Variants in MTMR7 observed in about 807,000 individuals in gnomAD.
The protein encoded by MTMR7 is phosphatidylinositol-3-phosphate phosphatase MTMR7.
MTMR7 carries 76 observed loss-of-function variants against 81.2 expected under a neutral mutation model. The observed-to-expected ratio is 0.94, with a 90% confidence interval of 0.78 to 1.13. The LOEUF (loss-of-function observed/expected upper bound fraction) is 1.13. Ranked by LOEUF, MTMR7 falls within the 50% of genes most tolerant of loss-of-function variation. The pLI is 0.00. For missense variants in MTMR7, 1,044 were observed against 820.0 expected, an observed-to-expected ratio of 1.27 and a Z score of -3.34; for synonymous variants, 372 against 289.8, an observed-to-expected ratio of 1.28 and a Z score of -2.88.
chr8:17,361,293 T>A lies in MTMR7; in HGVS notation c.311-19A>T, dbSNP rs763259273. On this transcript the variant is annotated intron_variant, in intron 3 of 13. Transcript: ENST00000180173. ...TATTTCACTGCAAGAAAAGGTAGGA[T>A]AAAGTTAAATCAAGCTTAGTCAAAA... is the stretch of plus-strand genomic sequence containing the variant. 1.2e-6 allele frequency: 2 copies of A among 1,613,762 alleles called. No individual in the cohort carries two copies. The highest frequency in any genetic ancestry group is 1.1e-5 in the South Asian group (1 of 91,074).
intron 3 of MTMR7, among the ~76,000 whole-genome samples, chr8:17,364,011 T>C: frequency 7.0e-6 from 1 of 142,200 alleles, no homozygotes; most frequent in East Asian, 2.2e-4. Flanking sequence ...GGGTAAAAAG[T>C]GTTGCTATTA....
chr8:17,405,348 C>A (rs1197086641), intron 1 of MTMR7, among the ~76,000 whole-genome samples: 3 of 152,084 alleles, frequency 2.0e-5, no homozygotes, highest in Non-Finnish European at 2.9e-5. Context: ...TTCCTGTACA[C>A]CAGGAGGGAG....
At chr8:17,376,406 A>T (rs924884541) in intron 1 of MTMR7, among the ~76,000 whole-genome samples, 4 of 152,236 alleles carry the variant, frequency 2.6e-5, no homozygotes, top group Admixed American at 2.6e-4. Flanking sequence ...ACTTTTGAGC[A>T]TAAGTTTTTG....
chr8:17,343,663 G>A (rs1819470771), intron 5 of MTMR7, among the ~76,000 whole-genome samples: 1 of 152,174 alleles, frequency 6.6e-6, no homozygotes, highest in Non-Finnish European at 1.5e-5. Flanking sequence ...AACTATACTG[G>A]AACTGTTATA....
At chr8:17,340,717 A>C (rs1563346254) in intron 6 of MTMR7, among the ~76,000 whole-genome samples, 1 of 124,830 alleles carries the variant, frequency 8.0e-6, no homozygotes, top group Non-Finnish European at 1.8e-5. Flanking sequence ...CTAATAAATT[A>C]ATACATACAT....
intron 7 of MTMR7, among the ~76,000 whole-genome samples, 159 bp from the exon 8 acceptor site, chr8:17,313,560 T>C (rs1453807473): frequency 6.6e-6 from 1 of 152,238 alleles, no homozygotes; most frequent in Non-Finnish European, 1.5e-5. Flanking sequence ...TTACTAAACT[T>C]GATTCTATGG....
At chr8:17,331,521 A>G (rs57337554) in intron 6 of MTMR7, among the ~76,000 whole-genome samples, 21,833 of 152,214 alleles carry the variant, frequency 0.14, 2,044 homozygotes, top group African/African-American at 0.26. Flanking sequence ...GCTGGAAAGC[A>G]GTCTACTGAT....
At chr8:17,383,521 T>C (rs949377368) in intron 1 of MTMR7, among the ~76,000 whole-genome samples, 1 of 152,154 alleles carries the variant, frequency 6.6e-6, no homozygotes, top group Non-Finnish European at 1.5e-5. Flanking sequence ...ACCAGAAGTG[T>C]CCACTTCCCT....
chr8:17,343,167 C>G (rs1819454151), intron 5 of MTMR7, among the ~76,000 whole-genome samples: 1 of 152,186 alleles, frequency 6.6e-6, no homozygotes, highest in Admixed American at 6.5e-5. Flanking sequence ...TGGCTCACGC[C>G]TGTAATCCCA....
intron 6 of MTMR7, among the ~76,000 whole-genome samples, chr8:17,341,065 C>T (rs188378357): frequency 8.3e-4 from 127 of 152,282 alleles, no homozygotes; most frequent in Middle Eastern, 3.4e-3. Context: ...AGTACTAATA[C>T]GGTATACTTA....
intron 1 of MTMR7, among the ~76,000 whole-genome samples, chr8:17,393,143 T>C (rs1018338279): frequency 6.6e-6 from 1 of 152,178 alleles, no homozygotes; most frequent in Non-Finnish European, 1.5e-5. Context: ...AGAATCAATT[T>C]TCAACAAGGG....
At chr8:17,334,774 G>T (rs570253400) in intron 6 of MTMR7, among the ~76,000 whole-genome samples, 1 of 152,346 alleles carries the variant, frequency 6.6e-6, no homozygotes, top group South Asian at 2.1e-4. Flanking sequence ...CAAGAGCTGA[G>T]CAACGGGAGA....
At chr8:17,399,307 C>T (rs1050114397) in intron 1 of MTMR7, among the ~76,000 whole-genome samples, 5 of 152,006 alleles carry the variant, frequency 3.3e-5, no homozygotes, top group Non-Finnish European at 7.4e-5. Context: ...AATCAAAATA[C>T]GAAAAACAGT....
At chr8:17,394,505 C>A (rs1274714203) in intron 1 of MTMR7, among the ~76,000 whole-genome samples, 1 of 152,068 alleles carries the variant, frequency 6.6e-6, no homozygotes, top group Non-Finnish European at 1.5e-5. Context: ...ATAGGCAAAT[C>A]TCTAGAGATT....
chr8:17,373,265 G>A, intron 1 of MTMR7, 25 bp from the exon 2 acceptor site: 1 of 1,601,324 alleles, frequency 6.2e-7, no homozygotes, highest in Non-Finnish European at 8.5e-7. Context: ...ATGATGAAAA[G>A]AGTTACCGTA....
chr8:17,403,156 G>T (rs1350869775), intron 1 of MTMR7, among the ~76,000 whole-genome samples: 3 of 152,030 alleles, frequency 2.0e-5, no homozygotes, highest in Admixed American at 6.6e-5. Context: ...TTACTCCCTT[G>T]TCAGATGGAT....
intron 5 of MTMR7, 79 bp downstream of exon 5, chr8:17,348,874 C>G (rs1819640911): frequency 1.3e-6 from 2 of 1,541,562 alleles, no homozygotes; most frequent in South Asian, 1.1e-5. Flanking sequence ...ACACGCACAG[C>G]AGAAGGCAGC....
At chr8:17,329,206 C>G (rs189907170) in intron 7 of MTMR7, among the ~76,000 whole-genome samples, 1 of 152,270 alleles carries the variant, frequency 6.6e-6, no homozygotes, top group East Asian at 1.9e-4. Context: ...CCAAGGATAG[C>G]TGTTTGAAGG....
In MTMR7 at chr8:17,299,242, G is replaced by T. The variant is rs1459253047; in HGVS notation, c.*620C>A. 1.3e-5 allele frequency: 2 copies of T among 152,204 alleles called. No homozygotes were observed. The highest frequency in any genetic ancestry group is 4.8e-5 in the African/African-American group (2 of 41,440). 9.4% of individuals were successfully genotyped at this position (152,204 alleles called of 1,614,324 possible). ...AAATAATGAGGAGAAACAGACTATA[G>T]ATCTCAGAGAAAAGCAACAAAATTA... On this transcript the variant is annotated 3_prime_UTR_variant, in exon 14 of 14. Transcript: ENST00000180173.
Sources: allele counts gnomAD v4.1 joint callset (sites outside exome capture counted in the v4.1 genomes callset), GRCh38; gene constraint gnomAD v4.1.1; transcripts MANE v1.5; gene names NCBI Gene and HGNC (gene_info 2026-07-23, HGNC 2026-07-21).